The following LIPI variants were observed in gnomAD, a reference collection of about 807,000 sequenced individuals.
LIPI encodes the protein lipase member I.
LIPI carries 59 observed loss-of-function variants against 50.6 expected under a neutral mutation model. The ratio of observed to expected loss-of-function variants is 1.16; its 90% confidence interval spans 0.94 to 1.45. The LOEUF is 1.45. Ranked by LOEUF, LIPI falls within the 40% of genes most tolerant of loss-of-function variation. The pLI, the probability that LIPI is intolerant of heterozygous loss-of-function variation, is 0.00. For missense variants in LIPI, 586 were observed against 536.3 expected (o/e 1.09, Z -0.92); for synonymous variants, 203 against 178.2 (o/e 1.14, Z -1.11).
At chr21:14,182,202 A>G (rs953257291) in intron 3 of LIPI, among the ~76,000 whole-genome samples, 4 of 152,158 alleles carry the variant, frequency 2.6e-5, no homozygotes, top group African/African-American at 9.7e-5. Flanking sequence ...AATGAATACC[A>G]TCTGGTCCTC....
At chr21:14,114,309 A>C (rs923616588) in intron 9 of LIPI, among the ~76,000 whole-genome samples, 2 of 152,174 alleles carry the variant, frequency 1.3e-5, no homozygotes, top group Non-Finnish European at 2.9e-5. Flanking sequence ...GGATTATGGG[A>C]ACTACAATCA....
intron 4 of LIPI, among the ~76,000 whole-genome samples, chr21:14,176,358 C>T (rs2019097121): frequency 6.6e-6 from 1 of 151,698 alleles, no homozygotes; most frequent in Non-Finnish European, 1.5e-5. Flanking sequence ...GTGTTTCTAT[C>T]GTTTAATTCT....
At chr21:14,167,472 G>A (rs2018732172) in intron 4 of LIPI, among the ~76,000 whole-genome samples, 1 of 152,108 alleles carries the variant, frequency 6.6e-6, no homozygotes, top group African/African-American at 2.4e-5. Flanking sequence ...CCCCAGTAGG[G>A]GCAGACAGAC....
At chr21:14,145,207 T>C (rs967238334) in intron 8 of LIPI, among the ~76,000 whole-genome samples, 2 of 152,104 alleles carry the variant, frequency 1.3e-5, no homozygotes, top group African/African-American at 2.4e-5. Flanking sequence ...GAGCAATAAC[T>C]TATAAAGGCC....
At chr21:14,173,169 A>G (rs370582176) in intron 4 of LIPI, among the ~76,000 whole-genome samples, 8 of 152,202 alleles carry the variant, frequency 5.3e-5, no homozygotes, top group African/African-American at 1.9e-4. Context: ...CTCGGCGAAG[A>G]AGCCAGCGTG....
At chr21:14,179,315 T>C (rs2019191969) in intron 4 of LIPI, among the ~76,000 whole-genome samples, 1 of 152,034 alleles carries the variant, frequency 6.6e-6, no homozygotes, top group African/African-American at 2.4e-5. Flanking sequence ...TCCACGCATA[T>C]CATTCAGAAA....
At chr21:14,202,193 A>T (rs1472515786) in intron 1 of LIPI, among the ~76,000 whole-genome samples, 2 of 152,238 alleles carry the variant, frequency 1.3e-5, no homozygotes, top group Non-Finnish European at 2.9e-5. Flanking sequence ...GGATACAAAC[A>T]AATGGAAGAA....
At chr21:14,117,676 TTTGA>T (rs1255619980) in intron 9 of LIPI, among the ~76,000 whole-genome samples, 10 of 152,158 alleles carry the variant, frequency 6.6e-5, no homozygotes, top group African/African-American at 2.4e-4. Context: ...CTACACACCT[TTTGA>T]CCCAGAAGTG....
chr21:14,133,801 T>C (rs1464176781), intron 9 of LIPI, among the ~76,000 whole-genome samples: 1 of 152,224 alleles, frequency 6.6e-6, no homozygotes, highest in Non-Finnish European at 1.5e-5. Flanking sequence ...AAAATTACCA[T>C]ACAAAAACCA....
chr21:14,160,219 T>C (rs1041113968), intron 7 of LIPI, among the ~76,000 whole-genome samples: 5 of 151,412 alleles, frequency 3.3e-5, no homozygotes, highest in Non-Finnish European at 7.4e-5. Flanking sequence ...GTCTACTTGA[T>C]ATTAATGCTT....
intron 7 of LIPI, among the ~76,000 whole-genome samples, chr21:14,162,454 C>T (rs1488122416): frequency 4.0e-5 from 6 of 151,754 alleles, no homozygotes; most frequent in African/African-American, 7.2e-5. Flanking sequence ...TAGCCACACA[C>T]GCAGGCAAGT....
At chr21:14,164,748 C>A (rs1230522889) in intron 6 of LIPI, among the ~76,000 whole-genome samples, 3 of 152,082 alleles carry the variant, frequency 2.0e-5, no homozygotes, top group Non-Finnish European at 2.9e-5. Flanking sequence ...CTGCTCTTAG[C>A]AGGTTTATCC....
chr21:14,201,881 AGAGGAAGTCAAATTGT>A (rs2020066949), intron 1 of LIPI, among the ~76,000 whole-genome samples: 1 of 152,166 alleles, frequency 6.6e-6, no homozygotes, highest in Non-Finnish European at 1.5e-5. Context: ...AATTAGGAAA[AGAGGAAGTCAAATTGT>A]CCCTGTTTGC....
At chr21:14,112,494 T>C (rs774398520) in intron 9 of LIPI, among the ~76,000 whole-genome samples, 3 of 152,118 alleles carry the variant, frequency 2.0e-5, no homozygotes, top group Non-Finnish European at 2.9e-5. Context: ...CATTTATTTG[T>C]GTCTTCTTCA....
chr21:14,164,845 T>TA (rs1447728897), intron 6 of LIPI, among the ~76,000 whole-genome samples: 1 of 152,248 alleles, frequency 6.6e-6, no homozygotes, highest in East Asian at 1.9e-4. Context: ...CACTTGTTCC[T>TA]AAAATCTCAA....
chr21:14,155,376 A>AGAGT (rs1491454013), intron 7 of LIPI, among the ~76,000 whole-genome samples: 8 of 151,978 alleles, frequency 5.3e-5, no homozygotes, highest in African/African-American at 1.9e-4. Flanking sequence ...TTCTGCTATT[A>AGAGT]GAGTGTCAGA....
rs549248928 is a variant in LIPI, at chr21:14,161,065, T to G, written c.1006+2354A>C. 3.3e-5 allele frequency among the ~76,000 whole-genome samples: 5 copies of G among 151,444 alleles called. No individual in the cohort carries two copies. The East Asian group carries it at 7.7e-4, about 23-fold the overall frequency. ...ACAGTCACTCCAAAAAAATGTTAAA[T>G]TTTTTCAAAGCTAAATGTGCAATTA... On this transcript the variant is annotated intron_variant, in intron 7 of 9. Coordinates refer to ENST00000681601, the MANE Select transcript of LIPI (RefSeq NM_001302998.2).
chr21:14,119,709 T>C (rs1272974661), intron 9 of LIPI, among the ~76,000 whole-genome samples: 4 of 152,194 alleles, frequency 2.6e-5, no homozygotes, highest in African/African-American at 7.2e-5. Context: ...TTTACCTGTA[T>C]GTTCATGAAA....
At position 14,121,629 on chromosome 21, in the gene LIPI, C is replaced by T. The variant is rs141727439; in HGVS notation, c.1296-12549G>A. Among the ~76,000 whole-genome samples the T allele has an allele frequency of 1.6e-4, 25 of 152,234 alleles. No homozygotes were observed. In the South Asian group the frequency reaches 2.1e-3, roughly 13 times the overall value. ...ACCTGCTGACTCTGTGTGGGTTAAA[C>T]GCTGGAATCCTACCACCCTCGGGCC... On this transcript the variant is annotated intron_variant, in intron 9 of 9. Coordinates refer to ENST00000681601, the MANE Select transcript of LIPI (RefSeq NM_001302998.2).
Sources: gnomAD v4.1 joint callset for allele counts (sites outside exome capture counted in the v4.1 genomes callset) on GRCh38, gnomAD v4.1.1 for gene constraint, MANE v1.5 for transcripts, NCBI Gene and HGNC (gene_info 2026-07-23, HGNC 2026-07-21) for gene names.